The following LTBR variants were observed in gnomAD, a reference collection of about 807,000 sequenced individuals.
LTBR encodes lymphotoxin beta receptor, also known as tumor necrosis factor receptor superfamily member 3.
In LTBR, 15 loss-of-function variants were observed where a neutral mutation model predicts 45.4. The ratio of observed to expected loss-of-function variants is 0.33; its 90% CI spans 0.22 to 0.51. The LOEUF (loss-of-function observed/expected upper bound fraction) is 0.51, where lower values mean the gene tolerates loss of function less well. LTBR is among the 20% of genes least tolerant of loss of function. LTBR has a pLI of 0.97. For synonymous variants in LTBR, 228 were observed against 231.0 expected, an observed-to-expected ratio of 0.99 and a Z score of 0.12; for missense variants, 450 against 565.5, an observed-to-expected ratio of 0.80 and a Z score of 2.07.
rs1949025949 is a variant in LTBR at position 6,385,226 on chromosome 12, G to C, written c.320-1G>C. On this transcript the variant is annotated splice_acceptor_variant, in intron 3 of 9. Transcript: ENST00000228918. LOFTEE classifies it high-confidence loss of function. ...CCTGAGCCCTCCCGTCTCCCCGCCA[G>C]TGATGGGCCTCGAGGAGATTGCCCC... The C allele has an allele frequency of 6.2e-7, 1 of 1,614,132 alleles. No individual in the cohort carries two copies.
chr12:6,384,030 C>T (rs981438900), upstream of LTBR: 10 of 1,183,958 alleles, frequency 8.4e-6, no homozygotes, highest in Admixed American at 9.1e-5. Context: ...GCGGCCCTCA[C>T]GTGCTTTCCC....
rs1162835511 is a variant in LTBR at position 6,391,033 on chromosome 12, G to A, written c.*96G>A. On this transcript the variant is annotated 3_prime_UTR_variant, in exon 10 of 10. Coordinates refer to ENST00000228918, the MANE Select transcript of LTBR (RefSeq NM_002342.3). ...TGGGATTCACAGGGGCCTGAGTAGG[G>A]CCCGGGGAAGCAGAGCCCTAAGGGA... 2 of 1,291,656 alleles carry A rather than the reference G, an allele frequency of 1.5e-6. No individual in the cohort carries two copies. Among genetic ancestry groups the A allele is most frequent in the Non-Finnish European group, 2.1e-6 (2 of 967,080 alleles). The allele number at this position is 1,291,656 out of a possible 1,614,324, so 80.0% of individuals were successfully genotyped here.
upstream of LTBR, among the ~76,000 whole-genome samples, chr12:6,383,727 G>C (rs1276736045): frequency 6.6e-6 from 1 of 152,204 alleles, no homozygotes; most frequent in Non-Finnish European, 1.5e-5. Flanking sequence ...AGGACAACGG[G>C]GGAGGAACCC....
At chr12:6,385,184 C>T (rs779633187) in intron 3 of LTBR, 37 bp downstream of exon 3, 6 of 1,614,202 alleles carry the variant, frequency 3.7e-6, no homozygotes, top group Non-Finnish European at 5.1e-6. Context: ...GCTGGATCCC[C>T]TGGAGCTTGG....
chr12:6,384,667 G>A lies in LTBR; in HGVS notation c.176G>A (p.Cys59Tyr). The A allele has an allele frequency of 6.2e-7, 1 of 1,614,206 alleles. No homozygotes were observed. Among genetic ancestry groups the A allele is most frequent in the Non-Finnish European group, 8.5e-7 (1 of 1,180,018 alleles). The change falls in exon 2 of 10, where the codon TGC becomes TAC. Residue 59 changes from cysteine (C) to tyrosine (Y), a missense_variant. Physicochemically the swap from Cys to Tyr is radical, Grantham distance 194. Transcript: ENST00000228918. The part of the protein sequence containing the change: ...EYYEPQHRIC[C>Y]SRCPPGTYVS... ...TATGAGCCCCAGCACCGCATCTGCT[G>A]CTCCCGCTGCCCGCCAGGTGAGAGG...
In LTBR at chr12:6,386,337, T is replaced by C. The variant is rs767942399; in HGVS notation, c.570-10T>C. ...GCGTGAAAAGGTCATCATCTTTTTTTCCTCTGCAGGTGTGAGAACCAAGGT... is the reference window on the plus strand; with the variant it reads ...GCGTGAAAAGGTCATCATCTTTTTTCCCTCTGCAGGTGTGAGAACCAAGGT... On this transcript the variant is annotated splice_polypyrimidine_tract_variant and intron_variant, in intron 5 of 9. Transcript: ENST00000228918. The surrounding 1 kb of genome is among the most constrained non-coding windows in gnomAD (Gnocchi z 4.1). 15 of 1,610,980 alleles carry C rather than the reference T, an allele frequency of 9.3e-6. No individual in the cohort carries two copies. Among genetic ancestry groups the C allele is most frequent in the South Asian group, 7.7e-5 (7 of 90,984 alleles).
At chr12:6,375,983 G>C (rs902317006) in intron 1 of LTBR, 1 of 1,001,410 alleles carries the variant, frequency 1.0e-6, no homozygotes, top group Non-Finnish European at 1.2e-6. Context: ...GCAGTGGTGG[G>C]GGCAAATAGA....
At chr12:6,375,250 C>T (rs1464182089), upstream of LTBR, 2 of 1,438,576 alleles carry the variant, frequency 1.4e-6, no homozygotes, top group East Asian at 2.5e-5. Flanking sequence ...CTGCTCTCCT[C>T]TTTCTGGCCT....
In LTBR at chr12:6,390,317, G is replaced by A; in HGVS notation, c.1007G>A (p.Gly336Glu). 1 of 1,609,034 alleles carries A rather than the reference G, an allele frequency of 6.2e-7. No homozygotes were observed. Among genetic ancestry groups the A allele is most frequent in the South Asian group, 1.1e-5 (1 of 90,850 alleles). ...DLTREPQLEP[G>E]EQSQVAHGTN... is the part of the protein sequence containing the mutation. ...ACCAGGGAGCCGCAGTTGGAACCCGGGGAGCAGAGCCAGGTGGCCCACGGT... is the reference window on the plus strand; with the variant it reads ...ACCAGGGAGCCGCAGTTGGAACCCGAGGAGCAGAGCCAGGTGGCCCACGGT... Residue 336 changes from glycine to glutamate, a missense_variant, in exon 9 of 10, where the codon GGG becomes GAG. This residue lies in a region of LTBR where 367 missense variants were observed against 435.4 expected (regional missense o/e 0.84). Transcript: ENST00000228918.
Position 6,390,943 on chromosome 12 carries a change from T to A in LTBR, c.*6T>A. The A allele has an allele frequency of 6.6e-7, 1 of 1,519,260 alleles. No individual in the cohort carries two copies. The highest frequency in any genetic ancestry group is 8.8e-7 in the Non-Finnish European group (1 of 1,131,814). 94.1% of individuals were successfully genotyped at this position (1,519,260 alleles called of 1,614,324 possible). ...AATTTATCACCCATGACTGACTGAG[T>A]CTGAGAAAAGGCAGAAGAAGGGGGG... is the stretch of plus-strand genomic sequence containing the variant. On this transcript the variant is annotated 3_prime_UTR_variant, in exon 10 of 10. Transcript: ENST00000228918.
rs61761338 is a variant in LTBR, at chr12:6,386,472, G to A, written c.667+28G>A. The A allele has an allele frequency of 4.5e-6, 7 of 1,564,588 alleles. No individual in the cohort carries two copies. Among genetic ancestry groups the A allele is most frequent in the African/African-American group, 1.4e-5 (1 of 73,042 alleles). ...GAGGGACCAGGGCTGAGGGACACGG[G>A]GGGGGCGCCTCTGAAAATGCCTTAA... On this transcript the variant is annotated intron_variant, in intron 6 of 9. Coordinates refer to ENST00000228918, the MANE Select transcript of LTBR (RefSeq NM_002342.3). The surrounding 1 kb of genome is among the most constrained non-coding windows in gnomAD (Gnocchi z 4.1).
In LTBR at chr12:6,389,936, G is replaced by A. The variant is rs892414674; in HGVS notation, c.802-176G>A. On this transcript the variant is annotated intron_variant, in intron 8 of 9. Transcript: ENST00000228918. ...TGCACCACTGCACTGTAGCCTGGGT[G>A]ACAGACCCTGACCCTGTCTGGAAAG... The A allele has an allele frequency of 2.2e-5, 13 of 602,874 alleles. No homozygotes were observed. The Admixed American group carries it at 2.9e-4, about 14-fold the overall frequency. 37.3% of individuals were successfully genotyped at this position (602,874 alleles called of 1,614,324 possible).
At chr12:6,379,376 T>C (rs1197865641), upstream of LTBR, among the ~76,000 whole-genome samples, 1 of 152,254 alleles carries the variant, frequency 6.6e-6, no homozygotes, top group African/African-American at 2.4e-5. Flanking sequence ...TTGTGGTCTA[T>C]TAATTTATCT....
intron 1 of LTBR, among the ~76,000 whole-genome samples, chr12:6,376,964 C>G (rs1285538533): frequency 1.3e-5 from 2 of 152,224 alleles, no homozygotes; most frequent in African/African-American, 4.8e-5. Flanking sequence ...AAACGGACTT[C>G]TAACAAAAGT....
At chr12:6,375,756 A>T in intron 1 of LTBR, 1 of 1,410,422 alleles carries the variant, frequency 7.1e-7, no homozygotes, top group Non-Finnish European at 9.2e-7. Context: ...GGGGGACAGG[A>T]TGGCAGGTGA....
rs368495202 is a variant in LTBR at position 6,386,191 on chromosome 12, C to T, written c.569+29C>T. The T allele has an allele frequency of 1.6e-4, 246 of 1,585,124 alleles. No individual in the cohort carries two copies. Among genetic ancestry groups the T allele is most frequent in the Non-Finnish European group, 2.0e-4 (236 of 1,154,454 alleles). On this transcript the variant is annotated intron_variant, in intron 5 of 9. Transcript: ENST00000228918. This position sits in a 1 kb window ranked among gnomAD's most constrained non-coding sequence, Gnocchi z 4.1. Reference sequence around the variant, plus strand: ...AGTGCAGCCCCACCCAAGCTCCTTCCACCCTCTGAGAAGCCTCAGCTGCTA... The same window carrying T: ...AGTGCAGCCCCACCCAAGCTCCTTCTACCCTCTGAGAAGCCTCAGCTGCTA...
intron 1 of LTBR, chr12:6,376,296 G>T: frequency 1.9e-6 from 1 of 523,508 alleles, no homozygotes; most frequent in Non-Finnish European, 2.5e-6. Flanking sequence ...CCCAGGTGAA[G>T]CTGGGGGCTA....
chr12:6,384,057 C>CCGCAT, upstream of LTBR: 1 of 1,211,264 alleles, frequency 8.3e-7, no homozygotes, highest in Non-Finnish European at 1.0e-6. Context: ...CCCTCCCGCC[C>CCGCAT]CGCATCGAGG....
At chr12:6,383,712 A>C (rs1466053406), upstream of LTBR, among the ~76,000 whole-genome samples, 3 of 152,168 alleles carry the variant, frequency 2.0e-5, no homozygotes. Flanking sequence ...CTCCCACAGT[A>C]GGGCAGGACA....
Sources: allele counts gnomAD v4.1 joint callset (sites outside exome capture counted in the v4.1 genomes callset), GRCh38; gene constraint gnomAD v4.1.1; regional missense constraint gnomAD v4.1.1; non-coding constraint Gnocchi (gnomAD v3.1); transcripts MANE v1.5; gene names NCBI Gene and HGNC (gene_info 2026-07-23, HGNC 2026-07-21).